GLS: variants seen among roughly 807,000 people sequenced by gnomAD.
GLS encodes the protein glutaminase kidney isoform, mitochondrial.
In GLS, 36 loss-of-function variants were observed where a neutral mutation model predicts 86.7. The observed-to-expected ratio is 0.42, with a 90% confidence interval of 0.32 to 0.55. The LOEUF (loss-of-function observed/expected upper bound fraction) is 0.55. Ranked by LOEUF, GLS falls within the 20% of genes least tolerant of loss-of-function variation. GLS has a pLI of 0.17. For synonymous variants in GLS, 317 were observed against 305.9 expected (o/e 1.04, Z -0.38); for missense variants, 528 against 833.4 (o/e 0.63, Z 4.51).
intron 14 of GLS, among the ~76,000 whole-genome samples, chr2:190,941,490 A>C (rs1690428466): frequency 6.6e-6 from 1 of 152,130 alleles, no homozygotes; most frequent in South Asian, 2.1e-4. Flanking sequence ...TTAATGTTTC[A>C]TTTCTTTAAA....
chr2:190,923,923 G>A lies in GLS; in HGVS notation c.1137G>A (p.Gln379=). 6.4e-7 allele frequency: 1 copy of A among 1,561,214 alleles called. No homozygotes were observed. Among genetic ancestry groups the A allele is most frequent in the Non-Finnish European group, 8.8e-7 (1 of 1,139,716 alleles). The part of the protein sequence containing the change: ...EYVGFSNATF[Q]SERESGDRNF... ...TTTTTTTTTCTTCTTCCAGGTTTCA[G>A]TCTGAAAGAGAAAGTGGAGATCGAA... Residue 379 remains glutamine, a synonymous_variant, in exon 10 of 18, where the codon CAG becomes CAA. Coordinates refer to ENST00000320717, the MANE Select transcript of GLS (RefSeq NM_014905.5).
Position 190,962,331 on chromosome 2 carries a change from G to A in GLS, c.1854-499G>A, listed in dbSNP as rs771157988. Among the ~76,000 whole-genome samples the A allele has an allele frequency of 1.3e-5, 2 of 152,192 alleles. No individual in the cohort carries two copies. The highest frequency in any genetic ancestry group is 2.4e-5 in the African/African-American group (1 of 41,438). ...TTGGGGCCAATCTTGCTCCTCCAGT[G>A]TGTTTTAGCCCTAATGAGGTCATGG... On this transcript the variant is annotated intron_variant, in intron 17 of 17. Transcript: ENST00000320717. This position sits in a 1 kb window ranked among gnomAD's most constrained non-coding sequence, Gnocchi z 4.2.
At chr2:190,957,543 G>A (rs1330696076) in intron 17 of GLS, among the ~76,000 whole-genome samples, 2 of 152,312 alleles carry the variant, frequency 1.3e-5, no homozygotes, top group African/African-American at 4.8e-5. Flanking sequence ...TTGGCTGTGG[G>A]TTTGTCATAA....
rs79575203 is a variant in GLS, at chr2:190,920,689, T to A, written c.1039-335T>A. ...TTTTAAGTTTTTTTAAATATAAGATTAAATAAATAACACATTTTAGCAAAT... is the reference window on the plus strand; with the variant it reads ...TTTTAAGTTTTTTTAAATATAAGATAAAATAAATAACACATTTTAGCAAAT... On this transcript the variant is annotated intron_variant, in intron 7 of 17. Transcript: ENST00000320717. The surrounding 1 kb of genome is among the most constrained non-coding windows in gnomAD (Gnocchi z 4.2). 5.7e-3 allele frequency among the ~76,000 whole-genome samples: 873 copies of A among 151,840 alleles called. 20 individuals are homozygous for A. Among genetic ancestry groups the A allele is most frequent in the East Asian group, 0.052 (272 of 5,188 alleles).
Position 190,951,829 on chromosome 2 carries a change from T to G in GLS, c.1651-1736T>G, listed in dbSNP as rs1690727137. Among the ~76,000 whole-genome samples the G allele has an allele frequency of 6.6e-6, 1 of 152,088 alleles. No individual in the cohort carries two copies. Among genetic ancestry groups the G allele is most frequent in the Admixed American group, 6.5e-5 (1 of 15,270 alleles). ...ATTGAGAATTCAGAGTTGACCCCAT[T>G]AAAAAAGAAAGACATTAAGGACACC... is the stretch of plus-strand genomic sequence containing the variant. On this transcript the variant is annotated intron_variant, in intron 14 of 17. Transcript: ENST00000320717. This position sits in a 1 kb window ranked among gnomAD's most constrained non-coding sequence, Gnocchi z 4.2.
At chr2:190,883,538 G>A (rs73981361) in intron 1 of GLS, among the ~76,000 whole-genome samples, 22 of 152,292 alleles carry the variant, frequency 1.4e-4, no homozygotes, top group African/African-American at 4.1e-4. Context: ...AATATTTGGC[G>A]TGTGTTAAAT....
rs1159775428 is a variant in GLS at position 190,964,084 on chromosome 2, G to C, written c.*1098G>C. On this transcript the variant is annotated 3_prime_UTR_variant, in exon 18 of 18. Coordinates refer to ENST00000320717, the MANE Select transcript of GLS (RefSeq NM_014905.5). The surrounding 1 kb of genome is among the most constrained non-coding windows in gnomAD (Gnocchi z 5.2). Reference sequence around the variant, plus strand: ...ACCACTGGATCATTCCAGATTTCTTGTGATTTTTCTATTGTGTAATTCTTG... The same window carrying C: ...ACCACTGGATCATTCCAGATTTCTTCTGATTTTTCTATTGTGTAATTCTTG... 6.6e-6 allele frequency: 1 copy of C among 151,760 alleles called. No homozygotes were observed. The highest frequency in any genetic ancestry group is 1.5e-5 in the Non-Finnish European group (1 of 67,944). 9.4% of individuals were successfully genotyped at this position (151,760 alleles called of 1,614,324 possible).
rs1029021131 is a variant in GLS, at chr2:190,964,166, A to G, written c.*1180A>G. 2 of 152,178 alleles carry G rather than the reference A, an allele frequency of 1.3e-5. No homozygotes were observed. The highest frequency in any genetic ancestry group is 1.5e-5 in the Non-Finnish European group (1 of 68,034). 9.4% of individuals were successfully genotyped at this position (152,178 alleles called of 1,614,324 possible). ...GCCATTTCATTTTAAATTGTGACCT[A>G]TAATTCTTTGTCTTGGGTTGGTAAT... On this transcript the variant is annotated 3_prime_UTR_variant, in exon 18 of 18. Transcript: ENST00000320717. This position sits in a 1 kb window ranked among gnomAD's most constrained non-coding sequence, Gnocchi z 5.2.
intron 12 of GLS, 79 bp downstream of exon 12, chr2:190,927,561 T>C (rs1689940072): frequency 8.9e-6 from 9 of 1,011,056 alleles, no homozygotes; most frequent in Non-Finnish European, 1.3e-5. Context: ...GTTTGAACTT[T>C]GCTTCTAAAG....
At chr2:190,882,246 A>G (rs1430607221) in intron 1 of GLS, among the ~76,000 whole-genome samples, 2 of 152,216 alleles carry the variant, frequency 1.3e-5, no homozygotes, top group Admixed American at 1.3e-4. Flanking sequence ...GACGTAATAC[A>G]CTAACTCAGT....
rs1689723200 is a variant in GLS, at chr2:190,921,183, T to C, written c.1110T>C (p.Tyr370=). The C allele has an allele frequency of 3.7e-6, 6 of 1,607,132 alleles. No homozygotes were observed. Among genetic ancestry groups the C allele is most frequent in the Non-Finnish European group, 5.1e-6 (6 of 1,174,020 alleles). ...QFLNKMAGNE[Y]VGFSNATFQS... The stretch of plus-strand genomic sequence containing the variant: ...TGAATAAGATGGCTGGTAATGAATA[T>C]GTTGGATTCAGTAATGCAACGTGAG... Residue 370 remains tyrosine (Y), a synonymous_variant, in exon 9 of 18, where the codon TAT becomes TAC. Transcript: ENST00000320717. This position sits in a 1 kb window ranked among gnomAD's most constrained non-coding sequence, Gnocchi z 4.2.
chr2:190,890,713 C>T (rs536966141), intron 1 of GLS, among the ~76,000 whole-genome samples: 5 of 152,172 alleles, frequency 3.3e-5, no homozygotes, highest in African/African-American at 1.2e-4. Context: ...TTAAAACAAC[C>T]CTGAATTATC....
At chr2:190,884,523 A>G (rs1162402830) in intron 1 of GLS, among the ~76,000 whole-genome samples, 1 of 152,226 alleles carries the variant, frequency 6.6e-6, no homozygotes, top group African/African-American at 2.4e-5. Flanking sequence ...GCACTTGCCC[A>G]TATGGACATT....
At chr2:190,890,768 A>C (rs1346183060) in intron 1 of GLS, among the ~76,000 whole-genome samples, 2 of 152,194 alleles carry the variant, frequency 1.3e-5, no homozygotes, top group Non-Finnish European at 2.9e-5. Flanking sequence ...AAGACTAGCA[A>C]ATCCTTTTGT....
intron 1 of GLS, among the ~76,000 whole-genome samples, chr2:190,891,650 G>A (rs1688566256): frequency 6.6e-6 from 1 of 152,062 alleles, no homozygotes; most frequent in African/African-American, 2.4e-5. Flanking sequence ...GGTCAGTGGG[G>A]TAAGCAAAGA....
intron 1 of GLS, among the ~76,000 whole-genome samples, chr2:190,882,838 C>T (rs1459928342): frequency 6.6e-6 from 1 of 152,162 alleles, no homozygotes. Flanking sequence ...AAAAGCTATA[C>T]TTCTGTTAAA....
chr2:190,900,725 C>A (rs755553421), intron 4 of GLS, 32 bp downstream of exon 4: 2 of 1,557,784 alleles, frequency 1.3e-6, no homozygotes, highest in Non-Finnish European at 1.8e-6. Context: ...TTTTCATAAC[C>A]GAATCACTTA....
chr2:190,958,326 T>C (rs1261074107), intron 17 of GLS, among the ~76,000 whole-genome samples: 1 of 152,164 alleles, frequency 6.6e-6, no homozygotes, highest in Non-Finnish European at 1.5e-5. Flanking sequence ...TCTTCTCTTC[T>C]TATTAGTCTT....
rs113272787 is a variant in GLS at position 190,921,780 on chromosome 2, A to C, written c.1130+577A>C. On this transcript the variant is annotated intron_variant, in intron 9 of 17. Transcript: ENST00000320717. The surrounding 1 kb of genome is among the most constrained non-coding windows in gnomAD (Gnocchi z 4.2). ...TAAGGACATTCTCCTACATAACCAC[A>C]ATACCATTAACACATGTAAGAACGT... Among the ~76,000 whole-genome samples the C allele has an allele frequency of 0.015, 2,233 of 152,134 alleles. 58 individuals are homozygous for C. Among genetic ancestry groups the C allele is most frequent in the African/African-American group, 0.049 (2,052 of 41,542 alleles).
Sources: allele counts gnomAD v4.1 joint callset (sites outside exome capture counted in the v4.1 genomes callset), GRCh38; gene constraint gnomAD v4.1.1; non-coding constraint Gnocchi (gnomAD v3.1); transcripts MANE v1.5; gene names NCBI Gene and HGNC (gene_info 2026-07-23, HGNC 2026-07-21).